The following AATK variants were observed in gnomAD, a reference collection of about 807,000 sequenced individuals.
The protein encoded by AATK is lemur tail kinase 1.
A neutral mutation model predicts 114.3 loss-of-function variants in AATK; 91 were observed. That is an observed-to-expected ratio of 0.80 (90% CI 0.67 to 0.95). AATK has a LOEUF of 0.95. Ranked by LOEUF, AATK falls within the 40% of genes least tolerant of loss-of-function variation. The pLI, the probability that AATK is intolerant of heterozygous loss-of-function variation, is 0.00. For missense variants in AATK, 2,176 were observed against 1,965.2 expected (o/e 1.11, Z -2.03); for synonymous variants, 1,075 against 916.5 (o/e 1.17, Z -3.12).
In AATK at chr17:81,120,639, C is replaced by A; in HGVS notation, c.3297G>T (p.Gln1099His). 6.5e-7 allele frequency: 1 copy of A among 1,531,728 alleles called. No individual in the cohort carries two copies. Among genetic ancestry groups the A allele is most frequent in the South Asian group, 1.3e-5 (1 of 77,922 alleles). The allele number at this position is 1,531,728 out of a possible 1,614,324, so 94.9% of individuals were successfully genotyped here. A position where few individuals can be genotyped will look rare whatever the true frequency, so the allele number is the denominator to read the frequency against. ...VRPGPSPSCS[Q>H]FFLLTPVPLR... ...GCGGAACCGGGGTCAGCAGGAAAAA[C>A]TGGGAGCAGCTGGGGCTGGGCCCAG... Residue 1099 changes from glutamine (Q) to histidine (H), a missense_variant, in exon 11 of 14, where the codon CAG becomes CAT. By Grantham distance (24) the Gln-to-His change is conservative (BLOSUM62 0). Around this residue, in one of 4 missense-constraint regions of AATK, gnomAD observed 1,701 missense variants for 1,394.7 expected, o/e 1.22. Transcript: ENST00000326724.
At chr17:81,138,062 G>A (rs150210845) in intron 1 of AATK, among the ~76,000 whole-genome samples, 53 of 141,128 alleles carry the variant, frequency 3.8e-4, no homozygotes, top group East Asian at 2.2e-3. Flanking sequence ...ACCCACACCC[G>A]TGCACCCGGA....
At chr17:81,123,094 G>A in intron 10 of AATK, 100 bp downstream of exon 10, 1 of 1,300,170 alleles carries the variant, frequency 7.7e-7, no homozygotes, top group Non-Finnish European at 9.9e-7. Flanking sequence ...AGACCAGGCA[G>A]GGCTGGAACG....
chr17:81,143,887 C>T (rs2061177508), intron 1 of AATK, among the ~76,000 whole-genome samples: 3 of 152,274 alleles, frequency 2.0e-5, no homozygotes, highest in African/African-American at 2.4e-5. Flanking sequence ...GCGTGACCCC[C>T]ACATGCTAGC....
chr17:81,151,995 G>GC (rs2061305163), intron 1 of AATK, among the ~76,000 whole-genome samples: 1 of 152,182 alleles, frequency 6.6e-6, no homozygotes, highest in Admixed American at 6.5e-5. Context: ...AGCCTTTGGG[G>GC]CGGGCACAGT....
chr17:81,133,032 G>A (rs968303163), intron 2 of AATK, among the ~76,000 whole-genome samples: 4 of 152,122 alleles, frequency 2.6e-5, no homozygotes, highest in African/African-American at 4.8e-5. Context: ...CTCTGGCCTC[G>A]GGATCCCCAG....
At chr17:81,118,551 T>C (rs1251571966) in intron 13 of AATK, 109 bp from the exon 14 acceptor site, 1 of 1,141,978 alleles carries the variant, frequency 8.8e-7, no homozygotes, top group African/African-American at 1.5e-5. Flanking sequence ...GCCGGGCCCC[T>C]TCCCTGCAGC....
At chr17:81,119,827 G>T (rs141921985) in intron 12 of AATK, 109 bp downstream of exon 12, 5 of 1,363,718 alleles carry the variant, frequency 3.7e-6, no homozygotes, top group African/African-American at 1.6e-5. Context: ...CACGCGTCAA[G>T]GACCAGGTGC....
rs138870503 is a variant in AATK, at chr17:81,158,823, G to A, written c.55+7115C>T. ...AAAACAGCAGCCAGCACTGGCGGGA[G>A]GGGAAGCCATGGAGGCGTTCGTCCA... On this transcript the variant is annotated intron_variant, in intron 1 of 13. Transcript: ENST00000326724. Among the ~76,000 whole-genome samples the A allele has an allele frequency of 6.1e-3, 929 of 152,320 alleles. 10 individuals carry two copies. The highest frequency in any genetic ancestry group is 0.022 in the African/African-American group (897 of 41,582).
At chr17:81,118,572 GT>G in intron 13 of AATK, 130 bp from the exon 14 acceptor site, 3 of 925,282 alleles carry the variant, frequency 3.2e-6, no homozygotes, top group African/African-American at 1.6e-5. Flanking sequence ...AGATCTGGCT[GT>G]GTCTAGGTGA....
intron 1 of AATK, among the ~76,000 whole-genome samples, chr17:81,134,902 G>T (rs558643606): frequency 6.6e-6 from 1 of 152,196 alleles, no homozygotes; most frequent in Non-Finnish European, 1.5e-5. Flanking sequence ...TGTCAAACAC[G>T]GGAGACCATG....
chr17:81,132,722 TG>T, intron 2 of AATK: 4 of 295,914 alleles, frequency 1.4e-5, no homozygotes, highest in South Asian at 5.2e-5. Flanking sequence ...GGGTCAGCAT[TG>T]GGGGCCTGCC....
At chr17:81,125,535 G>C (rs556730544) in intron 7 of AATK, among the ~76,000 whole-genome samples, 1 of 152,304 alleles carries the variant, frequency 6.6e-6, no homozygotes, top group South Asian at 2.1e-4. Context: ...CTGGCCCCAG[G>C]GTTGGGTAGG....
chr17:81,155,887 G>A (rs1036582250), intron 1 of AATK, among the ~76,000 whole-genome samples: 1 of 151,372 alleles, frequency 6.6e-6, no homozygotes, highest in African/African-American at 2.4e-5. Context: ...GTCTCGTGTT[G>A]CCCAAGCTGG....
intron 1 of AATK, among the ~76,000 whole-genome samples, chr17:81,136,531 C>T (rs1021842042): frequency 2.0e-5 from 3 of 152,222 alleles, no homozygotes; most frequent in African/African-American, 4.8e-5. Flanking sequence ...CCTGGGCTCC[C>T]CCCAGCAGGA....
intron 1 of AATK, among the ~76,000 whole-genome samples, chr17:81,140,966 G>T (rs1278602259): frequency 6.9e-6 from 1 of 145,774 alleles, no homozygotes; most frequent in African/African-American, 2.6e-5. Context: ...ACCGTGAGCC[G>T]TGGGGCCGTG....
chr17:81,132,088 G>T, intron 2 of AATK: 1 of 1,190,154 alleles, frequency 8.4e-7, no homozygotes, highest in Middle Eastern at 2.7e-4. Flanking sequence ...CAAGTCCAGG[G>T]CACATTCCTG....
At chr17:81,133,398 G>A (rs1040450723) in intron 2 of AATK, 8 of 335,332 alleles carry the variant, frequency 2.4e-5, no homozygotes, top group East Asian at 1.9e-4. Context: ...TGGGGGTGGC[G>A]CCAGCTGAGT....
In AATK at chr17:81,122,835, T is replaced by TC. The variant is rs774352831; in HGVS notation, c.1113-13dup. ...GCATCACCTCGTACCTGCGAGGAGG[T>TC]CCCCCGGGGGCCACGTCAGAGGCAA... On this transcript the variant is annotated splice_polypyrimidine_tract_variant and intron_variant, in intron 10 of 13. Transcript: ENST00000326724. 3 of 1,475,646 alleles carry TC rather than the reference T, an allele frequency of 2.0e-6. No homozygotes were observed. Among genetic ancestry groups the TC allele is most frequent in the Non-Finnish European group, 2.7e-6 (3 of 1,106,908 alleles). The allele number at this position is 1,475,646 out of a possible 1,614,324, so 91.4% of individuals were successfully genotyped here.
chr17:81,119,950 G>A lies in AATK; in HGVS notation c.3869C>T (p.Ser1290Phe), dbSNP rs776641492. 8 of 1,447,058 alleles carry A rather than the reference G, an allele frequency of 5.5e-6. No individual in the cohort carries two copies. The South Asian group carries it at 1.2e-4, about 21-fold the overall frequency. The allele number at this position is 1,447,058 out of a possible 1,614,324, so 89.6% of individuals were successfully genotyped here. ...CCCCTGCTCACCCTCTTCCGCTGTG[G>A]AGCCATTTGGGGAGCCATCAGCCTG... is the stretch of plus-strand genomic sequence containing the variant. ...PQQADGSPNG[S>F]TAEEGGGFAW... The change falls in exon 12 of 14, where the codon TCC (serine) becomes TTC (phenylalanine). Residue 1290 changes from serine to phenylalanine, a missense_variant. Physicochemically the swap from Ser to Phe is radical, Grantham distance 155. Coordinates refer to ENST00000326724, the MANE Select transcript of AATK (RefSeq NM_001080395.3).
Sources: gnomAD v4.1 joint callset for allele counts (sites outside exome capture counted in the v4.1 genomes callset) on GRCh38, gnomAD v4.1.1 for gene constraint, gnomAD v4.1.1 regional missense constraint, MANE v1.5 for transcripts, NCBI Gene and HGNC (gene_info 2026-07-23, HGNC 2026-07-21) for gene names.